The following PDPK1 variants were observed in gnomAD, a reference collection of about 807,000 sequenced individuals.
PDPK1 encodes the protein 3-phosphoinositide-dependent protein kinase 1.
A neutral mutation model predicts 39.8 loss-of-function variants in PDPK1; 7 were observed. That is an observed-to-expected ratio of 0.18 (90% confidence interval 0.10 to 0.33). PDPK1 has a LOEUF of 0.33. PDPK1 is among the 10% of genes least tolerant of loss of function. The probability of loss-of-function intolerance (pLI) is 1.00; values close to 1 mark genes in which losing one functional copy is unlikely to be tolerated. For synonymous variants in PDPK1, 118 were observed against 159.1 expected, an observed-to-expected ratio of 0.74 and a Z score of 1.95; for missense variants, 182 against 384.7, an observed-to-expected ratio of 0.47 and a Z score of 4.41.
chr16:2,597,828 G>C lies in PDPK1; in HGVS notation c.*61G>C. ...ACACCTGCCCCAGCGCGGCTTGGCC[G>C]CCATCCGGGACGCTTCCAGACCACC... On this transcript the variant is annotated 3_prime_UTR_variant, in exon 14 of 14. Coordinates refer to ENST00000342085, the MANE Select transcript of PDPK1 (RefSeq NM_002613.5). The surrounding 1 kb of genome is among the most constrained non-coding windows in gnomAD (Gnocchi z 6.3). The C allele has an allele frequency of 1.7e-6, 2 of 1,170,978 alleles. No individual in the cohort carries two copies. The highest frequency in any genetic ancestry group is 1.3e-6 in the Non-Finnish European group (1 of 792,690). The allele number at this position is 1,170,978 out of a possible 1,614,324, so 72.5% of individuals were successfully genotyped here. A position where few individuals can be genotyped will look rare whatever the true frequency, so the allele number is the denominator to read the frequency against.
Position 2,586,696 on chromosome 16 carries a change from G to A in PDPK1, c.1146G>A (p.Gln382=). ...TGCAGTATGACAATCTCCTGAGCCA[G>A]TTTGGCTGCATGCAGGTGTCTTCGT... is the stretch of plus-strand genomic sequence containing the variant. The part of the protein sequence containing the change: ...CYGNYDNLLS[Q]FGCMQVSSSS... The change falls in exon 11 of 14, where the codon CAG becomes CAA. Residue 382 remains glutamine, a synonymous_variant. Transcript: ENST00000342085. 6.2e-7 allele frequency: 1 copy of A among 1,614,248 alleles called. No individual in the cohort carries two copies.
At chr16:2,545,366 C>T (rs1417844236) in intron 1 of PDPK1, among the ~76,000 whole-genome samples, 1 of 150,624 alleles carries the variant, frequency 6.6e-6, no homozygotes, top group African/African-American at 2.5e-5. Flanking sequence ...GAGTTTTGCT[C>T]TGTTGCCCAA....
chr16:2,579,223 G>T (rs2066770239), intron 7 of PDPK1: 1 of 56,400 alleles, frequency 1.8e-5, no homozygotes, highest in South Asian at 6.4e-4. Flanking sequence ...TCCAGCGGGG[G>T]AGGCGAGGAT....
In PDPK1 at chr16:2,593,666, C is replaced by T. The variant is rs1292579534; in HGVS notation, c.1344-2127C>T. ...CCTCATCTGCCTGCAAGAGCTCTGA[C>T]TGGCCTGGGCTCAAAGGGACCCTGT... On this transcript the variant is annotated intron_variant, in intron 11 of 13. Coordinates refer to ENST00000342085, the MANE Select transcript of PDPK1 (RefSeq NM_002613.5). The surrounding 1 kb of genome is among the most constrained non-coding windows in gnomAD (Gnocchi z 4.2). The T allele has an allele frequency of 1.9e-5, 3 of 154,830 alleles. No individual in the cohort carries two copies. Among genetic ancestry groups the T allele is most frequent in the African/African-American group, 7.2e-5 (3 of 41,418 alleles). The allele number at this position is 154,830 out of a possible 1,614,324, so 9.6% of individuals were successfully genotyped here.
rs1227237350 is a variant in PDPK1, at chr16:2,541,924, C to G, written c.24+3788C>G. 2.0e-5 allele frequency among the ~76,000 whole-genome samples: 3 copies of G among 151,834 alleles called. 1 individual carries two copies. Among genetic ancestry groups the G allele is most frequent in the African/African-American group, 7.3e-5 (3 of 41,268 alleles). Reference sequence around the variant, plus strand: ...TAACAAGGCATGGGTTGTGTGTGTTCTCTTCTCTTAGTGAGGAGAAAGGCC... The same window carrying G: ...TAACAAGGCATGGGTTGTGTGTGTTGTCTTCTCTTAGTGAGGAGAAAGGCC... On this transcript the variant is annotated intron_variant, in intron 1 of 13. Transcript: ENST00000342085.
intron 7 of PDPK1, among the ~76,000 whole-genome samples, chr16:2,580,423 C>T (rs535786736): frequency 1.4e-3 from 208 of 145,026 alleles, no homozygotes; most frequent in African/African-American, 4.8e-3. Flanking sequence ...AGTGAGAGGC[C>T]GCCCTGAATT....
chr16:2,538,862 CT>C, intron 1 of PDPK1: 1 of 902,354 alleles, frequency 1.1e-6, no homozygotes, highest in Non-Finnish European at 1.5e-6. Flanking sequence ...TATATTTTCT[CT>C]CTATCGCTAA....
At chr16:2,551,487 T>C (rs571665129) in intron 1 of PDPK1, among the ~76,000 whole-genome samples, 2,414 of 150,232 alleles carry the variant, frequency 0.016, 4 homozygotes, top group Non-Finnish European at 0.022. Flanking sequence ...GCTTGCCGCG[T>C]GTGAGAGTGT....
At chr16:2,592,734 C>G in intron 11 of PDPK1, 1 of 453,350 alleles carries the variant, frequency 2.2e-6, no homozygotes, top group South Asian at 1.6e-5. Flanking sequence ...CTGTTTCTGT[C>G]GTGAGCTGGC....
At chr16:2,540,797 C>T (rs1266061697) in intron 1 of PDPK1, among the ~76,000 whole-genome samples, 3 of 152,216 alleles carry the variant, frequency 2.0e-5, no homozygotes, top group Non-Finnish European at 4.4e-5. Flanking sequence ...GCTTGAAATC[C>T]TCCCTTTGGA....
intron 11 of PDPK1, chr16:2,592,652 G>C: frequency 2.5e-6 from 1 of 396,100 alleles, no homozygotes; most frequent in Non-Finnish European, 5.0e-6. Flanking sequence ...TCCAGACTGG[G>C]CAACAGAGCG....
chr16:2,592,782 C>G, intron 11 of PDPK1: 1 of 455,432 alleles, frequency 2.2e-6, no homozygotes, highest in South Asian at 1.6e-5. Flanking sequence ...CTCTAGATGC[C>G]GCCAGTGGAG....
In PDPK1 at chr16:2,593,441, T is replaced by C. The variant is rs746317450; in HGVS notation, c.1344-2352T>C. 20 of 317,398 alleles carry C rather than the reference T, an allele frequency of 6.3e-5. No individual in the cohort carries two copies. Among genetic ancestry groups the C allele is most frequent in the Admixed American group, 2.0e-4 (4 of 20,156 alleles). The allele number at this position is 317,398 out of a possible 1,614,324, so 19.7% of individuals were successfully genotyped here. A position where few individuals can be genotyped will look rare whatever the true frequency, so the allele number is the denominator to read the frequency against. Reference sequence around the variant, plus strand: ...GTCCTCTTTCCGTGGCTCCCACAGCTCAGTGCTGGGCTGCTGTTCTCGCTC... The same window carrying C: ...GTCCTCTTTCCGTGGCTCCCACAGCCCAGTGCTGGGCTGCTGTTCTCGCTC... On this transcript the variant is annotated intron_variant, in intron 11 of 13. Coordinates refer to ENST00000342085, the MANE Select transcript of PDPK1 (RefSeq NM_002613.5). This position sits in a 1 kb window ranked among gnomAD's most constrained non-coding sequence, Gnocchi z 4.2.
Position 2,598,347 on chromosome 16 carries a change from T to A in PDPK1, c.*580T>A, listed in dbSNP as rs535850233. 1 of 233,924 alleles carries A rather than the reference T, an allele frequency of 4.3e-6. No homozygotes were observed. Among genetic ancestry groups the A allele is most frequent in the Admixed American group, 5.6e-5 (1 of 17,812 alleles). 14.5% of individuals were successfully genotyped at this position (233,924 alleles called of 1,614,324 possible). ...GGCCCTTAGGCCTGGCTGGGCCCAT[T>A]ACATATCCCTGTGGTGGCTCTGGTG... On this transcript the variant is annotated 3_prime_UTR_variant, in exon 14 of 14. Coordinates refer to ENST00000342085, the MANE Select transcript of PDPK1 (RefSeq NM_002613.5).
intron 11 of PDPK1, among the ~76,000 whole-genome samples, chr16:2,589,779 G>A (rs73492131): frequency 0.043 from 6,558 of 151,554 alleles, 468 homozygotes; most frequent in African/African-American, 0.15. Flanking sequence ...TCAAAAATAT[G>A]TGTGATGAGC....
At chr16:2,542,205 G>A (rs2066257261) in intron 1 of PDPK1, among the ~76,000 whole-genome samples, 1 of 152,330 alleles carries the variant, frequency 6.6e-6, no homozygotes, top group African/African-American at 2.4e-5. Context: ...TGTCACGCAG[G>A]CTGGAGTACA....
intron 1 of PDPK1, 51 bp downstream of exon 1, chr16:2,538,187 C>T: frequency 1.0e-6 from 1 of 1,002,634 alleles, no homozygotes; most frequent in Non-Finnish European, 1.2e-6. Context: ...CCTGCCGGGT[C>T]CGGCGGCCGC....
At chr16:2,546,054 C>G (rs1248687371) in intron 1 of PDPK1, among the ~76,000 whole-genome samples, 1 of 152,080 alleles carries the variant, frequency 6.6e-6, no homozygotes, top group Non-Finnish European at 1.5e-5. Context: ...GTATTTATGG[C>G]AAGAATACTG....
chr16:2,543,549 C>G lies in PDPK1; in HGVS notation c.24+5413C>G, dbSNP rs550816242. Among the ~76,000 whole-genome samples the G allele has an allele frequency of 6.4e-3, 903 of 140,806 alleles. 10 individuals are homozygous for G. Among genetic ancestry groups the G allele is most frequent in the African/African-American group, 0.023 (847 of 36,686 alleles). 92.4% of individuals were successfully genotyped at this position (140,806 alleles called of 152,430 possible). On this transcript the variant is annotated intron_variant, in intron 1 of 13. Transcript: ENST00000342085. Reference sequence around the variant, plus strand: ...GGGCCCAGGCTCGGATGCCCGGCCACGGCCTCTCTTTCCAGCCTGTGCGGC... The same window carrying G: ...GGGCCCAGGCTCGGATGCCCGGCCAGGGCCTCTCTTTCCAGCCTGTGCGGC...
Sources: gnomAD v4.1 joint callset for allele counts (sites outside exome capture counted in the v4.1 genomes callset) on GRCh38, gnomAD v4.1.1 for gene constraint, Gnocchi (gnomAD v3.1) non-coding constraint, MANE v1.5 for transcripts, NCBI Gene and HGNC (gene_info 2026-07-23, HGNC 2026-07-21) for gene names.